CALD1: variants seen among roughly 807,000 people sequenced by gnomAD.
CALD1 encodes caldesmon.
A neutral mutation model predicts 99.9 loss-of-function variants in CALD1; 33 were observed. The observed-to-expected ratio is 0.33, with a 90% CI of 0.25 to 0.44. The LOEUF is 0.44. CALD1 is among the 20% of genes least tolerant of loss of function. The probability of loss-of-function intolerance (pLI) is 1.00; values close to 1 mark genes in which losing one functional copy is unlikely to be tolerated. For missense variants in CALD1, 861 were observed against 962.1 expected (o/e 0.89, Z 1.39); for synonymous variants, 310 against 325.0 (o/e 0.95, Z 0.50).
rs139327604 is a variant in CALD1 at position 134,801,414 on chromosome 7, C to G, written c.-130+21665C>G. Among the ~76,000 whole-genome samples the G allele has an allele frequency of 4.4e-3, 666 of 152,106 alleles. 4 individuals are homozygous for G. Among genetic ancestry groups the G allele is most frequent in the African/African-American group, 0.015 (643 of 41,486 alleles). ...CACCCTTGCTTCTAGCATCTCACTCCCTATTTCTGGGTTCAAATTCCTATT... is the reference window on the plus strand; with the variant it reads ...CACCCTTGCTTCTAGCATCTCACTCGCTATTTCTGGGTTCAAATTCCTATT... On this transcript the variant is annotated intron_variant, in intron 1 of 14. Transcript: ENST00000361675.
At chr7:134,934,355 A>C (rs572411379) in intron 5 of CALD1, among the ~76,000 whole-genome samples, 1 of 152,270 alleles carries the variant, frequency 6.6e-6, no homozygotes, top group African/African-American at 2.4e-5. Context: ...ATGAATACCC[A>C]AAAAAAGAAT....
intron 1 of CALD1, among the ~76,000 whole-genome samples, chr7:134,748,047 C>CCATCCCAGTGGGTCTGCAAGG (rs1796651465): frequency 6.6e-6 from 1 of 152,248 alleles, no homozygotes; most frequent in Admixed American, 6.5e-5. Context: ...GGTAGGACTG[C>CCATCCCAGTGGGTCTGCAAGG]CATCCCAGTG....
intron 1 of CALD1, among the ~76,000 whole-genome samples, chr7:134,820,248 C>G (rs112883836): frequency 5.9e-5 from 9 of 152,112 alleles, no homozygotes; most frequent in African/African-American, 2.2e-4. Flanking sequence ...TGATCTTGTA[C>G]GTATAGATGG....
chr7:134,725,862 G>A, the CALD1 span, among the ~76,000 whole-genome samples: 1 of 152,120 alleles, frequency 6.6e-6, no homozygotes, highest in African/African-American at 2.4e-5. Flanking sequence ...CAAAGACAGA[G>A]GCACATTGGA....
chr7:134,745,770 T>A (rs74553582), intron 1 of CALD1, among the ~76,000 whole-genome samples: 2 of 152,226 alleles, frequency 1.3e-5, no homozygotes, highest in Non-Finnish European at 2.9e-5. Context: ...TCATCTTCTT[T>A]TAATGTCCCA....
In CALD1 at chr7:134,889,205, A is replaced by G. The variant is rs1394071540; in HGVS notation, c.71+21401A>G. On this transcript the variant is annotated intron_variant, in intron 3 of 14. Coordinates refer to ENST00000361675, the MANE Select transcript of CALD1 (RefSeq NM_033138.4). Reference sequence around the variant, plus strand: ...CTGGCACAGGTCTCACTGGGCTAACATCAAGGTGTCAGCAGGGCTGTATTC... The same window carrying G: ...CTGGCACAGGTCTCACTGGGCTAACGTCAAGGTGTCAGCAGGGCTGTATTC... 2.6e-5 allele frequency among the ~76,000 whole-genome samples: 4 copies of G among 152,246 alleles called. No individual in the cohort carries two copies. In the East Asian group the frequency reaches 7.7e-4, roughly 29 times the overall value.
chr7:134,887,693 T>C (rs938537073), intron 3 of CALD1, among the ~76,000 whole-genome samples: 1 of 151,696 alleles, frequency 6.6e-6, no homozygotes, highest in African/African-American at 2.4e-5. Flanking sequence ...TGTGTATGTG[T>C]ATGTGCATGT....
In CALD1 at chr7:134,831,328, C is replaced by CT. The variant is rs1041277545; in HGVS notation, c.-129-12547dup. Among the ~76,000 whole-genome samples, 12 of 151,002 alleles carry CT rather than the reference C, an allele frequency of 7.9e-5. No individual in the cohort carries two copies. The East Asian group carries it at 9.7e-4, about 12-fold the overall frequency. On this transcript the variant is annotated intron_variant, in intron 1 of 14. Transcript: ENST00000361675. ...GAATTATTTTCTGCATAATTTCTTT[C>CT]TTTTTTTTTGAGACGGAGTCTTCCT...
intron 1 of CALD1, among the ~76,000 whole-genome samples, chr7:134,801,427 T>C (rs1797937582): frequency 6.6e-6 from 1 of 152,240 alleles, no homozygotes; most frequent in South Asian, 2.1e-4. Flanking sequence ...ATTTCTGGGT[T>C]CAAATTCCTA....
At chr7:134,717,457 T>G in the CALD1 span, among the ~76,000 whole-genome samples, 1 of 152,188 alleles carries the variant, frequency 6.6e-6, no homozygotes, top group Non-Finnish European at 1.5e-5. Context: ...TCAGTTTCAT[T>G]CAACACATCG....
intron 1 of CALD1, among the ~76,000 whole-genome samples, chr7:134,831,729 G>T (rs925456041): frequency 1.3e-5 from 2 of 152,180 alleles, no homozygotes; most frequent in Non-Finnish European, 2.9e-5. Context: ...GAGATTTGAT[G>T]ATTTTTGTTA....
intron 7 of CALD1, among the ~76,000 whole-genome samples, chr7:134,942,519 T>G (rs1162026514): frequency 1.3e-5 from 2 of 152,220 alleles, no homozygotes; most frequent in African/African-American, 4.8e-5. Context: ...AATCTATAGA[T>G]ATTACTTGGG....
In CALD1 at chr7:134,957,219, T is replaced by C. The variant is rs143643154; in HGVS notation, c.1936-850T>C. 1.7e-3 allele frequency among the ~76,000 whole-genome samples: 260 copies of C among 152,262 alleles called. 2 individuals carry two copies. The highest frequency in any genetic ancestry group is 5.9e-3 in the African/African-American group (245 of 41,552). On this transcript the variant is annotated intron_variant, in intron 9 of 14. Coordinates refer to ENST00000361675, the MANE Select transcript of CALD1 (RefSeq NM_033138.4). ...CAGCAATAGGCTTGATCATTGACCC[T>C]TGTCAAGTTAGGAAATCAGGTTAAG...
rs774133569 is a variant in CALD1 at position 134,947,692 on chromosome 7, G to A, written c.1717G>A (p.Glu573Lys). 1.2e-5 allele frequency: 19 copies of A among 1,608,566 alleles called. No individual in the cohort carries two copies. The highest frequency in any genetic ancestry group is 6.8e-5 in the Admixed American group (4 of 59,108). ...GCTGGAGGAACTCAAGAAAAAGAGG[G>A]AGGAGAGAAGGAAGGTCCTGGAGGA... is the stretch of plus-strand genomic sequence containing the variant. ...LELEELKKKR[E>K]ERRKVLEEEE... Residue 573 changes from glutamate to lysine, a missense_variant, in exon 8 of 15, where the codon GAG becomes AAG. By Grantham distance (56) the Glu-to-Lys change is moderately conservative (BLOSUM62 1). Coordinates refer to ENST00000361675, the MANE Select transcript of CALD1 (RefSeq NM_033138.4).
At chr7:134,913,972 G>C (rs974240888) in intron 3 of CALD1, among the ~76,000 whole-genome samples, 1 of 152,130 alleles carries the variant, frequency 6.6e-6, no homozygotes, top group Non-Finnish European at 1.5e-5. Context: ...TTGAAGACCT[G>C]GGTCAATCCT....
intron 1 of CALD1, among the ~76,000 whole-genome samples, chr7:134,780,351 A>G (rs929360214): frequency 1.4e-4 from 21 of 152,158 alleles, no homozygotes; most frequent in African/African-American, 4.8e-4. Flanking sequence ...CACTGATGGG[A>G]TATTTGCTAA....
At chr7:134,814,617 C>T (rs1798486733) in intron 1 of CALD1, among the ~76,000 whole-genome samples, 1 of 152,152 alleles carries the variant, frequency 6.6e-6, no homozygotes, top group Admixed American at 6.5e-5. Flanking sequence ...GCCCTGGGGA[C>T]CACCTTCATT....
intron 1 of CALD1, among the ~76,000 whole-genome samples, chr7:134,808,621 C>T (rs1021690018): frequency 6.6e-6 from 1 of 152,192 alleles, no homozygotes; most frequent in African/African-American, 2.4e-5. Context: ...TCCCTGTACA[C>T]ACAAGGATGG....
intron 6 of CALD1, among the ~76,000 whole-genome samples, chr7:134,938,697 A>C (rs1806187895): frequency 6.6e-6 from 1 of 152,264 alleles, no homozygotes; most frequent in African/African-American, 2.4e-5. Context: ...TCCCAGAAAG[A>C]GAAAATAATT....
Sources: gnomAD v4.1 joint callset for allele counts (sites outside exome capture counted in the v4.1 genomes callset) on GRCh38, gnomAD v4.1.1 for gene constraint, MANE v1.5 for transcripts, NCBI Gene and HGNC (gene_info 2026-07-23, HGNC 2026-07-21) for gene names.